Variants in MDGA2 observed in about 807,000 individuals in gnomAD.
MDGA2 encodes the protein MAM domain-containing glycosylphosphatidylinositol anchor protein 2.
In MDGA2, 40 loss-of-function variants were observed where a neutral mutation model predicts 117.8. That is an observed-to-expected ratio of 0.34 (90% CI 0.26 to 0.44). The LOEUF (loss-of-function observed/expected upper bound fraction) is 0.44, where lower values mean the gene tolerates loss of function less well. Ranked by LOEUF, MDGA2 falls within the 20% of genes least tolerant of loss-of-function variation. MDGA2 has a pLI of 1.00. For synonymous variants in MDGA2, 452 were observed against 439.0 expected (o/e 1.03, Z -0.37); for missense variants, 1,123 against 1,250.6 (o/e 0.90, Z 1.54).
intron 5 of MDGA2, among the ~76,000 whole-genome samples, chr14:47,102,394 AAC>A (rs1280534726): frequency 4.9e-4 from 63 of 128,552 alleles, no homozygotes; most frequent in Middle Eastern, 3.8e-3. Context: ...CACACACACA[AAC>A]ACACACACAC....
intron 1 of MDGA2, among the ~76,000 whole-genome samples, chr14:47,614,598 T>G (rs1896915914): frequency 6.6e-6 from 1 of 152,236 alleles, no homozygotes; most frequent in Non-Finnish European, 1.5e-5. Context: ...CAATGAGTGA[T>G]TCTTAAAAAT....
intron 6 of MDGA2, among the ~76,000 whole-genome samples, chr14:47,081,338 C>T (rs1890701218): frequency 1.3e-5 from 2 of 152,008 alleles, no homozygotes; most frequent in Non-Finnish European, 2.9e-5. Flanking sequence ...TAAGATGTCT[C>T]TAAGTATCAA....
chr14:47,158,415 A>C (rs1259842451), intron 3 of MDGA2, among the ~76,000 whole-genome samples: 1 of 150,114 alleles, frequency 6.7e-6, no homozygotes, highest in Non-Finnish European at 1.5e-5. Flanking sequence ...TACGCATATA[A>C]TGTATACAGA....
intron 3 of MDGA2, among the ~76,000 whole-genome samples, chr14:47,180,151 AT>A (rs1884641379): frequency 6.6e-6 from 1 of 152,112 alleles, no homozygotes; most frequent in Non-Finnish European, 1.5e-5. Flanking sequence ...CCTAGTACCC[AT>A]TAGTTATTTT....
intron 1 of MDGA2, among the ~76,000 whole-genome samples, chr14:47,642,457 GAGGGCTT>G (rs1195697153): frequency 6.6e-6 from 1 of 151,978 alleles, no homozygotes; most frequent in Non-Finnish European, 1.5e-5. Context: ...CATTCCAAAA[GAGGGCTT>G]CGAGAGAGCT....
intron 1 of MDGA2, among the ~76,000 whole-genome samples, chr14:47,376,087 C>T (rs1299159800): frequency 1.3e-5 from 2 of 152,104 alleles, no homozygotes; most frequent in African/African-American, 4.8e-5. Flanking sequence ...TATTTTGTAG[C>T]ATATTCCTTT....
rs572133387 is a variant in MDGA2, at chr14:47,171,774, G to A, written c.596-27500C>T. ...CTGAGGTATTGTGTTCATCTCACTAGGGAGTGCCAGACAGTGGGCTCAGGA... is the reference window on the plus strand; with the variant it reads ...CTGAGGTATTGTGTTCATCTCACTAAGGAGTGCCAGACAGTGGGCTCAGGA... On this transcript the variant is annotated intron_variant, in intron 3 of 16. Transcript: ENST00000399232. 2.6e-5 allele frequency among the ~76,000 whole-genome samples: 4 copies of A among 152,278 alleles called. No individual in the cohort carries two copies. The South Asian group carries it at 8.3e-4, about 32-fold the overall frequency.
intron 3 of MDGA2, among the ~76,000 whole-genome samples, chr14:47,206,751 T>C (rs1352733073): frequency 6.6e-6 from 1 of 151,826 alleles, no homozygotes; most frequent in Non-Finnish European, 1.5e-5. Context: ...TAGCCAGCCA[T>C]GGCAGTGTGC....
chr14:47,661,746 C>CTTTTTTTTT (rs1172717995), intron 1 of MDGA2, among the ~76,000 whole-genome samples: 5 of 97,210 alleles, frequency 5.1e-5, no homozygotes, highest in Admixed American at 1.3e-4. Context: ...ATCAGAGTTT[C>CTTTTTTTTT]TTTTTTTTTT....
intron 1 of MDGA2, among the ~76,000 whole-genome samples, chr14:47,465,071 C>T (rs534776776): frequency 9.9e-5 from 15 of 151,986 alleles, no homozygotes; most frequent in Non-Finnish European, 2.1e-4. Flanking sequence ...ACCTGATCTT[C>T]GACAAAGCTG....
intron 12 of MDGA2, among the ~76,000 whole-genome samples, chr14:46,876,161 C>G (rs1882219714): frequency 6.6e-6 from 1 of 151,332 alleles, no homozygotes; most frequent in African/African-American, 2.4e-5. Flanking sequence ...AACAAAGATA[C>G]TTAAGCAACA....
At position 46,848,938 on chromosome 14, in the gene MDGA2, G is replaced by T. The variant is rs114796601; in HGVS notation, c.2884-3067C>A. 4.5e-3 allele frequency among the ~76,000 whole-genome samples: 691 copies of T among 152,036 alleles called. 2 individuals carry two copies. Among genetic ancestry groups the T allele is most frequent in the African/African-American group, 0.016 (645 of 41,490 alleles). ...GAATATTTCACCCCTTGGTGATACC[G>T]AATGAATGAAGTGGTACAGTAAAAA... On this transcript the variant is annotated intron_variant, in intron 15 of 16. Coordinates refer to ENST00000399232, the MANE Select transcript of MDGA2 (RefSeq NM_001113498.3).
At chr14:47,508,836 T>C (rs1240496160) in intron 1 of MDGA2, among the ~76,000 whole-genome samples, 4 of 151,620 alleles carry the variant, frequency 2.6e-5, no homozygotes, top group Non-Finnish European at 5.9e-5. Context: ...CCCACCACTA[T>C]GCCCGGCTAA....
intron 1 of MDGA2, among the ~76,000 whole-genome samples, chr14:47,609,432 T>TATATATATATAC (rs1358875936): frequency 1.9e-4 from 13 of 66,842 alleles, no homozygotes; most frequent in African/African-American, 5.4e-4. Context: ...TTCCATCATA[T>TATATATATATAC]ATATATATAT....
chr14:47,077,050 T>G (rs932770447), intron 6 of MDGA2, among the ~76,000 whole-genome samples: 3 of 152,094 alleles, frequency 2.0e-5, no homozygotes, highest in Admixed American at 6.5e-5. Flanking sequence ...AAACAAGTTT[T>G]TTTTTTAGTA....
intron 7 of MDGA2, among the ~76,000 whole-genome samples, chr14:47,036,210 C>T (rs1042529629): frequency 1.5e-5 from 2 of 133,102 alleles, no homozygotes; most frequent in African/African-American, 5.8e-5. Flanking sequence ...GCGGAGCTTG[C>T]AGTGAGTTGA....
chr14:47,537,318 AG>A (rs1306928951), intron 1 of MDGA2, among the ~76,000 whole-genome samples: 3 of 86,780 alleles, frequency 3.5e-5, no homozygotes, highest in African/African-American at 1.4e-4. Flanking sequence ...GGGTGGGGGG[AG>A]GGGGGAGGGA....
intron 1 of MDGA2, among the ~76,000 whole-genome samples, chr14:47,370,875 T>G (rs1891341605): frequency 6.6e-6 from 1 of 151,792 alleles, no homozygotes; most frequent in African/African-American, 2.4e-5. Context: ...CTTCTTAAAT[T>G]TTGTCTTATA....
At chr14:47,297,491 T>TGGGAAGGGAA (rs1889115360) in intron 2 of MDGA2, among the ~76,000 whole-genome samples, 6 of 7,056 alleles carry the variant, frequency 8.5e-4, no homozygotes, top group Non-Finnish European at 1.4e-3. Flanking sequence ...AGTGGAGGGG[T>TGGGAAGGGAA]GTGAAGGGAA....
Sources: gnomAD v4.1 joint callset for allele counts (sites outside exome capture counted in the v4.1 genomes callset) on GRCh38, gnomAD v4.1.1 for gene constraint, MANE v1.5 for transcripts, NCBI Gene and HGNC (gene_info 2026-07-23, HGNC 2026-07-21) for gene names.